The following SUGCT variants were observed in gnomAD, a reference collection of about 807,000 sequenced individuals.
SUGCT encodes the protein succinyl-CoA:glutarate-CoA transferase.
In SUGCT, 41 loss-of-function variants were observed where a neutral mutation model predicts 55.0. The ratio of observed to expected loss-of-function variants is 0.74; its 90% CI spans 0.58 to 0.97. SUGCT has a LOEUF of 0.97. Among genes scored for constraint, SUGCT ranks in the 50% least tolerant of loss-of-function variants. The pLI is 0.00. For synonymous variants in SUGCT, 187 were observed against 200.4 expected (o/e 0.93, Z 0.56); for missense variants, 568 against 547.8 (o/e 1.04, Z -0.37).
the SUGCT span, among the ~76,000 whole-genome samples, chr7:40,909,219 G>A: frequency 9.9e-5 from 15 of 152,228 alleles, no homozygotes; most frequent in Middle Eastern, 3.4e-3. Context: ...CACCTGGACT[G>A]GAGCTCTGCC....
At chr7:40,342,275 G>C (rs1279616216) in intron 9 of SUGCT, among the ~76,000 whole-genome samples, 2 of 152,184 alleles carry the variant, frequency 1.3e-5, no homozygotes, top group Admixed American at 1.3e-4. Context: ...GGGACGAAAG[G>C]GGACTTGAGA....
intron 12 of SUGCT, among the ~76,000 whole-genome samples, chr7:40,575,694 C>T (rs1796703894): frequency 6.6e-6 from 1 of 151,980 alleles, no homozygotes; most frequent in South Asian, 2.1e-4. Context: ...GCCTGTAATC[C>T]CAGCACTTTG....
chr7:40,330,689 G>T (rs1031874391), intron 9 of SUGCT, among the ~76,000 whole-genome samples: 2 of 75,768 alleles, frequency 2.6e-5, no homozygotes, highest in African/African-American at 9.4e-5. Flanking sequence ...GGATGGGGGG[G>T]CATTTATTTA....
At chr7:40,651,281 C>T (rs971556759) in intron 12 of SUGCT, among the ~76,000 whole-genome samples, 4 of 152,320 alleles carry the variant, frequency 2.6e-5, no homozygotes, top group African/African-American at 9.6e-5. Context: ...TAATAATCAC[C>T]ATTCCAACTG....
At chr7:40,896,543 A>G in the SUGCT span, among the ~76,000 whole-genome samples, 2 of 152,086 alleles carry the variant, frequency 1.3e-5, no homozygotes, top group Non-Finnish European at 2.9e-5. Context: ...CATGATAGTG[A>G]GTGAGTTCTC....
chr7:40,425,486 C>G (rs1018074465), intron 9 of SUGCT, among the ~76,000 whole-genome samples: 7 of 152,178 alleles, frequency 4.6e-5, no homozygotes, highest in African/African-American at 1.7e-4. Context: ...AAGTTAGTGT[C>G]GGAATCCTGA....
downstream of SUGCT, among the ~76,000 whole-genome samples, chr7:40,864,830 G>A (rs1169381066): frequency 1.3e-5 from 2 of 152,090 alleles, no homozygotes; most frequent in African/African-American, 4.8e-5. Flanking sequence ...TGTTGGTGCC[G>A]AGAGGGAGGG....
chr7:40,205,640 C>CAAAAAAA (rs67396482), intron 6 of SUGCT, among the ~76,000 whole-genome samples: 39 of 77,374 alleles, frequency 5.0e-4, no homozygotes, highest in South Asian at 2.2e-3. Flanking sequence ...AACTTCATCT[C>CAAAAAAA]AAAAAAAAAA....
intron 13 of SUGCT, among the ~76,000 whole-genome samples, chr7:40,806,185 G>A (rs564483883): frequency 2.2e-4 from 33 of 152,236 alleles, no homozygotes; most frequent in East Asian, 2.1e-3. Flanking sequence ...AAAAAGGGGC[G>A]ATGTCTAAAC....
At chr7:40,748,230 G>A (rs1399399043) in intron 12 of SUGCT, among the ~76,000 whole-genome samples, 3 of 152,028 alleles carry the variant, frequency 2.0e-5, no homozygotes, top group Non-Finnish European at 4.4e-5. Flanking sequence ...TTTAGATTTA[G>A]TAGATTTAAT....
At chr7:40,938,414 C>T in the SUGCT span, among the ~76,000 whole-genome samples, 5 of 151,240 alleles carry the variant, frequency 3.3e-5, no homozygotes, top group African/African-American at 1.2e-4. Flanking sequence ...AGTGGTTGCC[C>T]TGAAGATTAC....
intron 12 of SUGCT, among the ~76,000 whole-genome samples, chr7:40,564,226 A>T (rs1457656350): frequency 6.6e-6 from 1 of 152,114 alleles, no homozygotes; most frequent in Non-Finnish European, 1.5e-5. Flanking sequence ...ATACAAAAAA[A>T]TTAGCCGGGT....
chr7:40,736,874 A>T (rs1787190250), intron 12 of SUGCT, among the ~76,000 whole-genome samples: 1 of 152,204 alleles, frequency 6.6e-6, no homozygotes, highest in Non-Finnish European at 1.5e-5. Context: ...CTAAAGAACT[A>T]TTCTACAGGA....
intron 6 of SUGCT, among the ~76,000 whole-genome samples, chr7:40,216,148 G>A (rs1787623825): frequency 6.7e-6 from 1 of 150,128 alleles, no homozygotes; most frequent in African/African-American, 2.5e-5. Context: ...GAAATAAAAG[G>A]TGCTTTAAAA....
chr7:40,250,609 T>G (rs1790306407), intron 7 of SUGCT, among the ~76,000 whole-genome samples: 1 of 152,010 alleles, frequency 6.6e-6, no homozygotes, highest in African/African-American at 2.4e-5. Context: ...ATAAATTATT[T>G]TATAAGGATG....
intron 12 of SUGCT, among the ~76,000 whole-genome samples, chr7:40,724,774 A>G (rs1786529926): frequency 6.6e-6 from 1 of 151,668 alleles, no homozygotes; most frequent in Non-Finnish European, 1.5e-5. Context: ...TATGTCATGC[A>G]TGAAAGCTAA....
chr7:40,279,593 GA>G (rs1231554174), intron 8 of SUGCT, among the ~76,000 whole-genome samples: 4 of 151,964 alleles, frequency 2.6e-5, no homozygotes, highest in African/African-American at 9.7e-5. Flanking sequence ...TTAGGTTATT[GA>G]AAAAATACTT....
intron 13 of SUGCT, among the ~76,000 whole-genome samples, chr7:40,847,268 AT>A (rs909118464): frequency 1.3e-5 from 2 of 152,102 alleles, no homozygotes; most frequent in Non-Finnish European, 2.9e-5. Flanking sequence ...CTACCTGTCC[AT>A]CATGGGTTGA....
the SUGCT span, among the ~76,000 whole-genome samples, chr7:40,947,644 G>A: frequency 6.6e-6 from 1 of 151,980 alleles, no homozygotes; most frequent in Non-Finnish European, 1.5e-5. Flanking sequence ...TTTTATTATT[G>A]TTGCTGATAT....
Sources: gnomAD v4.1 joint callset for allele counts (sites outside exome capture counted in the v4.1 genomes callset) on GRCh38, gnomAD v4.1.1 for gene constraint, MANE v1.5 for transcripts, NCBI Gene and HGNC (gene_info 2026-07-23, HGNC 2026-07-21) for gene names.